KIDINS220: variants seen among roughly 807,000 people sequenced by gnomAD.
KIDINS220 encodes the protein kinase D-interacting substrate of 220 kDa.
A neutral mutation model predicts 157.6 loss-of-function variants in KIDINS220; 63 were observed. That is an observed-to-expected ratio of 0.40 (90% CI 0.33 to 0.49). The LOEUF (loss-of-function observed/expected upper bound fraction) is 0.49, where lower values mean the gene tolerates loss of function less well. KIDINS220 is among the 20% of genes least tolerant of loss of function. The probability of loss-of-function intolerance (pLI) is 0.66; values close to 1 mark genes in which losing one functional copy is unlikely to be tolerated. For synonymous variants in KIDINS220, 732 were observed against 783.6 expected (o/e 0.93, Z 1.10); for missense variants, 1,772 against 2,171.2 (o/e 0.82, Z 3.65).
At chr2:8,757,237 T>A (rs1298998986) in intron 22 of KIDINS220, 53 of 985,506 alleles carry the variant, frequency 5.4e-5, no homozygotes, top group Non-Finnish European at 6.3e-5. Flanking sequence ...TAGGACTATT[T>A]GAATAAAAAT....
intron 22 of KIDINS220, chr2:8,757,389 G>T (rs1668143719): frequency 1.8e-6 from 2 of 1,133,116 alleles, no homozygotes; most frequent in African/African-American, 3.2e-5. Context: ...TAATGTCACA[G>T]TCAGTTCAGT....
chr2:8,782,433 A>T (rs1671844223), intron 17 of KIDINS220, among the ~76,000 whole-genome samples: 1 of 152,202 alleles, frequency 6.6e-6, no homozygotes, highest in South Asian at 2.1e-4. Flanking sequence ...TATGCCCACA[A>T]ATTTGATAAC....
At chr2:8,787,037 T>C (rs576142713) in intron 15 of KIDINS220, among the ~76,000 whole-genome samples, 2 of 152,218 alleles carry the variant, frequency 1.3e-5, no homozygotes, top group African/African-American at 4.8e-5. Context: ...TAGATAAGCA[T>C]TGCTCTCAGA....
rs1166564321 is a variant in KIDINS220 at position 8,729,351 on chromosome 2, C to T, written c.*1369G>A. On this transcript the variant is annotated 3_prime_UTR_variant, in exon 30 of 30. Coordinates refer to ENST00000256707, the MANE Select transcript of KIDINS220 (RefSeq NM_020738.4). ...AGTGATAAACATCGAAAATGTAACA[C>T]TGAATCTAGATAATAGCGCATCTGC... 2 of 985,368 alleles carry T rather than the reference C, an allele frequency of 2.0e-6. No individual in the cohort carries two copies. The highest frequency in any genetic ancestry group is 1.1e-4 in the East Asian group (1 of 8,834). The allele number at this position is 985,368 out of a possible 1,614,324, so 61.0% of individuals were successfully genotyped here. A position where few individuals can be genotyped will look rare whatever the true frequency, so the allele number is the denominator to read the frequency against.
At position 8,778,518 on chromosome 2, in the gene KIDINS220, T is replaced by C. The variant is rs59450450; in HGVS notation, c.2703+121A>G. 0.01 allele frequency: 7,712 copies of C among 766,110 alleles called. 422 individuals carry two copies. The African/African-American group carries it at 0.12, about 11-fold the overall frequency. The allele number at this position is 766,110 out of a possible 1,614,324, so 47.5% of individuals were successfully genotyped here. A position where few individuals can be genotyped will look rare whatever the true frequency, so the allele number is the denominator to read the frequency against. ...ATGAAGCTGAAAGGAAATTCAATGATAATGTTTATTTGAAGCGTTTAATGC... is the reference window on the plus strand; with the variant it reads ...ATGAAGCTGAAAGGAAATTCAATGACAATGTTTATTTGAAGCGTTTAATGC... On this transcript the variant is annotated intron_variant, in intron 20 of 29. Transcript: ENST00000256707.
At chr2:8,828,944 G>C (rs561884899) in intron 1 of KIDINS220, among the ~76,000 whole-genome samples, 1 of 152,302 alleles carries the variant, frequency 6.6e-6, no homozygotes, top group Admixed American at 6.5e-5. Flanking sequence ...TTTAGATGAT[G>C]AGATTTAAAT....
intron 2 of KIDINS220, among the ~76,000 whole-genome samples, chr2:8,825,566 T>C (rs1397701242): frequency 2.0e-5 from 3 of 152,040 alleles, no homozygotes; most frequent in Non-Finnish European, 4.4e-5. Flanking sequence ...AGCAAATATA[T>C]ACAAACACAT....
downstream of KIDINS220, chr2:8,725,582 T>C (rs1173572426): frequency 6.6e-6 from 1 of 152,188 alleles, no homozygotes; most frequent in East Asian, 1.9e-4. Context: ...GGAAGTCAAC[T>C]GTGAGAAGTG....
intron 28 of KIDINS220, 113 bp from the exon 29 acceptor site, chr2:8,733,793 A>T: frequency 1.5e-6 from 1 of 682,688 alleles, no homozygotes; most frequent in Non-Finnish European, 2.3e-6. Context: ...ATGAGAAAGC[A>T]TACTTCTGGT....
At chr2:8,832,118 T>C (rs903810466) in intron 1 of KIDINS220, among the ~76,000 whole-genome samples, 4 of 152,216 alleles carry the variant, frequency 2.6e-5, no homozygotes, top group Admixed American at 6.5e-5. Flanking sequence ...CCTTGAACTC[T>C]TCCCCGAATC....
In KIDINS220 at chr2:8,791,247, CTTACA is replaced by C. The variant is rs145172075; in HGVS notation, c.1277-28_1277-24del. ...GTCCTGTAATTAAAACACATCATATCTTACATTAAACAGTGGCATTACTATTAGAA... is the reference window on the plus strand; with the variant it reads ...GTCCTGTAATTAAAACACATCATATCTTAAACAGTGGCATTACTATTAGAA... On this transcript the variant is annotated intron_variant, in intron 12 of 29. Coordinates refer to ENST00000256707, the MANE Select transcript of KIDINS220 (RefSeq NM_020738.4). 0.018 allele frequency: 29,358 copies of C among 1,595,860 alleles called. 411 individuals carry two copies. Among genetic ancestry groups the C allele is most frequent in the African/African-American group, 0.059 (4,386 of 74,544 alleles).
rs755469179 is a variant in KIDINS220, at chr2:8,812,457, C to A, written c.442G>T (p.Gly148Cys). ...AAAAGATGAACTATATCTGCATGGC[C>A]TCTCCCTGCTGCCCAAATGATTGGG... ...VYPIIWAAGR[G>C]HADIVHLLLQ... Residue 148 changes from glycine (G) to cysteine (C), a missense_variant, in exon 6 of 30, where the codon GGC becomes TGC. Physicochemically the swap from Gly to Cys is radical, Grantham distance 159. Coordinates refer to ENST00000256707, the MANE Select transcript of KIDINS220 (RefSeq NM_020738.4). 2 of 1,597,916 alleles carry A rather than the reference C, an allele frequency of 1.3e-6. No homozygotes were observed. The highest frequency in any genetic ancestry group is 1.1e-5 in the South Asian group (1 of 88,810).
chr2:8,745,402 T>G (rs868428559), intron 26 of KIDINS220, among the ~76,000 whole-genome samples: 4 of 152,302 alleles, frequency 2.6e-5, no homozygotes, highest in South Asian at 4.1e-4. Context: ...TCAGCTGAAA[T>G]GTTAAAATGA....
intron 13 of KIDINS220, among the ~76,000 whole-genome samples, chr2:8,790,778 G>C (rs999555765): frequency 6.6e-6 from 1 of 152,200 alleles, no homozygotes; most frequent in Non-Finnish European, 1.5e-5. Flanking sequence ...GCACATGCCA[G>C]AGGTGGTGCT....
intron 29 of KIDINS220, 110 bp downstream of exon 29, chr2:8,733,334 G>C: frequency 1.1e-6 from 1 of 923,718 alleles, no homozygotes; most frequent in Non-Finnish European, 1.7e-6. Context: ...TGTTCACTTA[G>C]GTATTCAGTA....
At chr2:8,805,270 T>A (rs1282215545) in intron 7 of KIDINS220, among the ~76,000 whole-genome samples, 1 of 152,100 alleles carries the variant, frequency 6.6e-6, no homozygotes, top group African/African-American at 2.4e-5. Flanking sequence ...GTGGGCTTCA[T>A]TATGAAGGCA....
chr2:8,729,586 A>C lies in KIDINS220; in HGVS notation c.*1134T>G. The C allele has an allele frequency of 1.1e-6, 1 of 916,294 alleles. No individual in the cohort carries two copies. The highest frequency in any genetic ancestry group is 1.3e-6 in the Non-Finnish European group (1 of 774,118). 56.8% of individuals were successfully genotyped at this position (916,294 alleles called of 1,614,324 possible). ...TTTTACAGTCACAGCACTTATATAG[A>C]TATATATATATATTTTACCCTTGCT... is the stretch of plus-strand genomic sequence containing the variant. On this transcript the variant is annotated 3_prime_UTR_variant, in exon 30 of 30. Transcript: ENST00000256707.
intron 27 of KIDINS220, among the ~76,000 whole-genome samples, chr2:8,735,536 G>GA (rs957247292): frequency 1.6e-4 from 24 of 148,588 alleles, no homozygotes; most frequent in East Asian, 7.8e-4. Flanking sequence ...CCATCTCAAA[G>GA]AAAAAAAAAA....
At position 8,730,247 on chromosome 2, in the gene KIDINS220, T is replaced by C. The variant is rs1259882506; in HGVS notation, c.*473A>G. On this transcript the variant is annotated 3_prime_UTR_variant, in exon 30 of 30. Coordinates refer to ENST00000256707, the MANE Select transcript of KIDINS220 (RefSeq NM_020738.4). Reference sequence around the variant, plus strand: ...TCTCGGTTTACTCAGCCTCTCCCTGTAGCGTCACAGGCTGTGCACTCACCT... The same window carrying C: ...TCTCGGTTTACTCAGCCTCTCCCTGCAGCGTCACAGGCTGTGCACTCACCT... 4 of 988,588 alleles carry C rather than the reference T, an allele frequency of 4.0e-6. No individual in the cohort carries two copies. The highest frequency in any genetic ancestry group is 3.6e-6 in the Non-Finnish European group (3 of 832,350). 61.2% of individuals were successfully genotyped at this position (988,588 alleles called of 1,614,324 possible).
Sources: gnomAD v4.1 joint callset for allele counts (sites outside exome capture counted in the v4.1 genomes callset) on GRCh38, gnomAD v4.1.1 for gene constraint, MANE v1.5 for transcripts, NCBI Gene and HGNC (gene_info 2026-07-23, HGNC 2026-07-21) for gene names.